EML6: variants seen among roughly 807,000 people sequenced by gnomAD.
EML6 encodes the protein echinoderm microtubule-associated protein-like 6.
A neutral mutation model predicts 240.1 loss-of-function variants in EML6; 154 were observed. That is an observed-to-expected ratio of 0.64 (90% CI 0.56 to 0.73). The LOEUF (loss-of-function observed/expected upper bound fraction) is 0.73, where lower values mean the gene tolerates loss of function less well. Ranked by LOEUF, EML6 falls within the 30% of genes least tolerant of loss-of-function variation. The pLI, the probability that EML6 is intolerant of heterozygous loss-of-function variation, is 0.00. For missense variants in EML6, 2,964 were observed against 2,474.6 expected, an observed-to-expected ratio of 1.20 and a Z score of -4.20; for synonymous variants, 1,148 against 899.0, an observed-to-expected ratio of 1.28 and a Z score of -4.95.
intron 12 of EML6, among the ~76,000 whole-genome samples, chr2:54,862,338 TAA>T (rs35834327): frequency 0.17 from 6,314 of 36,508 alleles, 122 homozygotes; most frequent in East Asian, 0.34. Context: ...ACTCCATCTC[TAA>T]AAAAAAAAAA....
chr2:54,907,937 TAGATAGATA>T (rs1304505006), intron 24 of EML6, among the ~76,000 whole-genome samples: 436 of 38,716 alleles, frequency 0.011, 2 homozygotes, highest in Non-Finnish European at 0.017. Context: ...GATAGATAGA[TAGATAGATA>T]AGATAGATAG....
rs59961339 is a variant in EML6 at position 54,802,948 on chromosome 2, G to A, written c.198-10284G>A. Reference sequence around the variant, plus strand: ...GAATCCAAACTGCGCAGAATTGAGAGTAGTGGGCAAGAGTCAACGATGGGT... The same window carrying A: ...GAATCCAAACTGCGCAGAATTGAGAATAGTGGGCAAGAGTCAACGATGGGT... On this transcript the variant is annotated intron_variant, in intron 2 of 41. Coordinates refer to ENST00000356458, the MANE Select transcript of EML6 (RefSeq NM_001039753.4). 1.5e-3 allele frequency among the ~76,000 whole-genome samples: 227 copies of A among 152,268 alleles called. 1 individual carries two copies. Among genetic ancestry groups the A allele is most frequent in the African/African-American group, 5.4e-3 (223 of 41,534 alleles).
At chr2:54,869,698 A>G (rs551040277) in intron 15 of EML6, among the ~76,000 whole-genome samples, 4 of 151,216 alleles carry the variant, frequency 2.6e-5, no homozygotes, top group African/African-American at 7.4e-5. Context: ...TAGGTACTCA[A>G]TAAATATTTA....
At chr2:54,750,093 G>A (rs1233776996) in intron 2 of EML6, among the ~76,000 whole-genome samples, 1 of 152,196 alleles carries the variant, frequency 6.6e-6, no homozygotes, top group African/African-American at 2.4e-5. Context: ...CACAGAGCAG[G>A]GCCCTGCCAC....
At chr2:54,739,435 T>G (rs1315144634) in intron 2 of EML6, among the ~76,000 whole-genome samples, 1 of 152,234 alleles carries the variant, frequency 6.6e-6, no homozygotes, top group Non-Finnish European at 1.5e-5. Context: ...GAAGGTATAA[T>G]TTTTAATCTA....
chr2:54,931,205 C>T (rs1172206867), intron 28 of EML6, among the ~76,000 whole-genome samples: 1 of 152,044 alleles, frequency 6.6e-6, no homozygotes, highest in East Asian at 1.9e-4. Flanking sequence ...GATCCGCCCG[C>T]CTCGGCCTCC....
chr2:54,885,769 G>A lies in EML6; in HGVS notation c.2439-5285G>A, dbSNP rs1404601015. Among the ~76,000 whole-genome samples, 16 of 151,886 alleles carry A rather than the reference G, an allele frequency of 1.1e-4. No individual in the cohort carries two copies. In the South Asian group the frequency reaches 1.5e-3, roughly 14 times the overall value. On this transcript the variant is annotated intron_variant, in intron 17 of 41. Transcript: ENST00000356458. ...TGGGACTACAGGCGCCAGCCACCGC[G>A]CCCGGCTAATTTTTTGTATTTTTAG...
intron 5 of EML6, among the ~76,000 whole-genome samples, chr2:54,825,745 G>T (rs1267436747): frequency 6.6e-6 from 1 of 152,054 alleles, no homozygotes; most frequent in Non-Finnish European, 1.5e-5. Flanking sequence ...ACACACATAG[G>T]ACAGCCCCCC....
In EML6 at chr2:54,869,337, T is replaced by C. The variant is rs1671135823; in HGVS notation, c.2208T>C (p.His736=). The C allele has an allele frequency of 6.4e-7, 1 of 1,551,508 alleles. No homozygotes were observed. The highest frequency in any genetic ancestry group is 8.7e-7 in the Non-Finnish European group (1 of 1,146,886). Residue 736 remains histidine (H), a synonymous_variant, in exon 15 of 42, where the codon CAT becomes CAC. Transcript: ENST00000356458. ...ACGACATTCTCAGCCTGACCATCCA[T>C]CCAGTGAAGGACTATGTGGCTACTG... ...HDDDILSLTI[H]PVKDYVATGQ...
At chr2:54,733,040 A>T (rs1156264366) in intron 2 of EML6, among the ~76,000 whole-genome samples, 1 of 152,210 alleles carries the variant, frequency 6.6e-6, no homozygotes, top group East Asian at 1.9e-4. Flanking sequence ...TTCTTCCCCT[A>T]AAGGGAGGTA....
chr2:54,842,384 G>A (rs1273141809), intron 7 of EML6, among the ~76,000 whole-genome samples: 1 of 152,200 alleles, frequency 6.6e-6, no homozygotes, highest in African/African-American at 2.4e-5. Flanking sequence ...AAAGTATTAT[G>A]TAAATTTAGT....
intron 28 of EML6, among the ~76,000 whole-genome samples, chr2:54,931,415 C>T (rs971118287): frequency 6.6e-6 from 1 of 152,062 alleles, no homozygotes; most frequent in African/African-American, 2.4e-5. Context: ...AAACAGGACC[C>T]ATGGACTCTA....
intron 17 of EML6, among the ~76,000 whole-genome samples, chr2:54,884,971 G>A (rs1167215361): frequency 6.6e-6 from 1 of 151,892 alleles, no homozygotes; most frequent in African/African-American, 2.4e-5. Context: ...GTCAGGAGTT[G>A]CAGATCAGCC....
chr2:54,907,896 TAGATTAGATAGATAGA>T (rs1274312367), intron 24 of EML6, among the ~76,000 whole-genome samples: 22 of 130,998 alleles, frequency 1.7e-4, no homozygotes, highest in African/African-American at 6.3e-4. Flanking sequence ...ATAGATTAGA[TAGATTAGATAGATAGA>T]TAGATAGATA....
chr2:54,782,591 T>A (rs1216522481), intron 2 of EML6, among the ~76,000 whole-genome samples: 1 of 152,198 alleles, frequency 6.6e-6, no homozygotes, highest in Non-Finnish European at 1.5e-5. Context: ...ACTTCTCAGT[T>A]TTTTGTAACG....
At chr2:54,873,281 C>G (rs1266964061) in intron 16 of EML6, among the ~76,000 whole-genome samples, 1 of 152,174 alleles carries the variant, frequency 6.6e-6, no homozygotes, top group Non-Finnish European at 1.5e-5. Context: ...AGAAGTTATT[C>G]AGTGCCTTCA....
At chr2:54,933,628 GGAGGCT>G (rs1281070001) in intron 28 of EML6, among the ~76,000 whole-genome samples, 2 of 152,034 alleles carry the variant, frequency 1.3e-5, no homozygotes, top group Non-Finnish European at 2.9e-5. Flanking sequence ...CAGCTACTCG[GGAGGCT>G]GAGGCACCAA....
chr2:54,728,762 A>C (rs1683022513), intron 2 of EML6, among the ~76,000 whole-genome samples: 1 of 152,294 alleles, frequency 6.6e-6, no homozygotes, highest in African/African-American at 2.4e-5. Flanking sequence ...CCCAGAACAA[A>C]ACAATGATTC....
intron 2 of EML6, among the ~76,000 whole-genome samples, chr2:54,794,341 C>A (rs1669636609): frequency 6.6e-6 from 1 of 152,082 alleles, no homozygotes; most frequent in Non-Finnish European, 1.5e-5. Context: ...TTTCTATCGC[C>A]CTTTTCTCTG....
Sources: gnomAD v4.1 joint callset for allele counts (sites outside exome capture counted in the v4.1 genomes callset) on GRCh38, gnomAD v4.1.1 for gene constraint, MANE v1.5 for transcripts, NCBI Gene and HGNC (gene_info 2026-07-23, HGNC 2026-07-21) for gene names.